The following RPAP3 variants were observed in gnomAD, a reference collection of about 807,000 sequenced individuals.
The protein encoded by RPAP3 is RNA polymerase II associated protein 3.
Under a neutral mutation model 88.8 loss-of-function variants are expected in RPAP3, and 58 were observed. The observed-to-expected ratio is 0.65, with a 90% confidence interval of 0.53 to 0.81. The LOEUF (loss-of-function observed/expected upper bound fraction) is 0.81, where lower values mean the gene tolerates loss of function less well. Ranked by LOEUF, RPAP3 falls within the 40% of genes least tolerant of loss-of-function variation. The pLI is 0.00. For missense variants in RPAP3, 751 were observed against 764.3 expected, an observed-to-expected ratio of 0.98 and a Z score of 0.20; for synonymous variants, 255 against 259.9, an observed-to-expected ratio of 0.98 and a Z score of 0.18.
intron 4 of RPAP3, among the ~76,000 whole-genome samples, chr12:47,697,316 C>A (rs1221124684): frequency 6.6e-6 from 1 of 152,130 alleles, no homozygotes; most frequent in Non-Finnish European, 1.5e-5. Flanking sequence ...TCACTTACTA[C>A]CCATAAGAAC....
chr12:47,705,075 T>G (rs1302164888), intron 1 of RPAP3, among the ~76,000 whole-genome samples: 1 of 152,160 alleles, frequency 6.6e-6, no homozygotes, highest in Non-Finnish European at 1.5e-5. Flanking sequence ...ATAAGACTTG[T>G]TCTTGAGCAT....
chr12:47,684,751 G>A (rs990970529), intron 9 of RPAP3, among the ~76,000 whole-genome samples: 6 of 152,060 alleles, frequency 3.9e-5, no homozygotes, highest in African/African-American at 1.2e-4. Flanking sequence ...TCAAACCAAC[G>A]AACTCAGGCT....
intron 3 of RPAP3, among the ~76,000 whole-genome samples, chr12:47,698,056 G>A (rs1008260481): frequency 7.2e-5 from 11 of 151,986 alleles, no homozygotes; most frequent in African/African-American, 2.4e-4. Context: ...AATATAATTA[G>A]CACCCAGTAG....
intron 12 of RPAP3, among the ~76,000 whole-genome samples, chr12:47,670,790 G>C (rs1272905508): frequency 6.6e-6 from 1 of 152,180 alleles, no homozygotes; most frequent in Non-Finnish European, 1.5e-5. Context: ...GCAGTTTGAA[G>C]ACAGCTTATG....
intron 4 of RPAP3, among the ~76,000 whole-genome samples, chr12:47,696,883 A>C (rs1012984330): frequency 2.0e-5 from 3 of 152,188 alleles, no homozygotes; most frequent in Admixed American, 1.3e-4. Context: ...TGGGGAGTCA[A>C]AAGTTATATG....
At chr12:47,665,262 A>G (rs1938846573) in intron 16 of RPAP3, among the ~76,000 whole-genome samples, 1 of 151,528 alleles carries the variant, frequency 6.6e-6, no homozygotes, top group Non-Finnish European at 1.5e-5. Context: ...ACGCCCAGCT[A>G]ATTTTTTTCT....
intron 12 of RPAP3, among the ~76,000 whole-genome samples, chr12:47,679,088 TG>T (rs1939171664): frequency 6.6e-6 from 1 of 152,232 alleles, no homozygotes; most frequent in Admixed American, 6.5e-5. Context: ...GATGAGTTCA[TG>T]CCCTTTGCAG....
intron 5 of RPAP3, among the ~76,000 whole-genome samples, chr12:47,694,673 C>A (rs766240952): frequency 6.0e-5 from 9 of 150,462 alleles, no homozygotes; most frequent in Non-Finnish European, 1.3e-4. Flanking sequence ...AAAAAAATGG[C>A]CAAACACCAA....
At position 47,684,390 on chromosome 12, in the gene RPAP3, T is replaced by G. The variant is rs142919360; in HGVS notation, c.992+2390A>C. Among the ~76,000 whole-genome samples, 683 of 152,340 alleles carry G rather than the reference T, an allele frequency of 4.5e-3. 3 individuals carry two copies. Among genetic ancestry groups the G allele is most frequent in the Non-Finnish European group, 7.8e-3 (534 of 68,032 alleles). On this transcript the variant is annotated intron_variant, in intron 9 of 16. Transcript: ENST00000005386. ...CTGCTGGTTCTAATTAGCTCTAATT[T>G]GACACAGTTTATAGAACCTCAAGCT... is the stretch of plus-strand genomic sequence containing the variant.
At position 47,701,491 on chromosome 12, in the gene RPAP3, A is replaced by G; in HGVS notation, c.267T>C (p.Asp89=). The change falls in exon 3 of 17, where the codon GAT becomes GAC. Residue 89 remains aspartate, a synonymous_variant. Transcript: ENST00000005386. ...ENTKNRIKSY[D]YEAWAKLDVD... is the part of the protein sequence containing the mutation. ...CATCAAGTTTTGCCCATGCCTCATA[A>G]TCATAAGATTTTATCCTGTTTTTTG... 6.3e-7 allele frequency: 1 copy of G among 1,591,126 alleles called. No individual in the cohort carries two copies.
At chr12:47,669,794 T>TA (rs1156488591) in intron 13 of RPAP3, among the ~76,000 whole-genome samples, 1 of 152,150 alleles carries the variant, frequency 6.6e-6, no homozygotes, top group Non-Finnish European at 1.5e-5. Flanking sequence ...AGCTTCCTTT[T>TA]AAAAAACTAA....
intron 3 of RPAP3, 186 bp downstream of exon 3, chr12:47,701,278 C>A: frequency 2.6e-6 from 1 of 389,402 alleles, no homozygotes; most frequent in South Asian, 1.1e-4. Flanking sequence ...AAGAGGATTG[C>A]AGAAAAAAAA....
intron 5 of RPAP3, among the ~76,000 whole-genome samples, chr12:47,694,125 A>T (rs1174157887): frequency 6.6e-6 from 1 of 152,260 alleles, no homozygotes; most frequent in African/African-American, 2.4e-5. Context: ...TACCCAAGAC[A>T]TTCCTGAATA....
chr12:47,694,734 T>C (rs1277652635), intron 5 of RPAP3, among the ~76,000 whole-genome samples: 5 of 151,250 alleles, frequency 3.3e-5, no homozygotes, highest in Non-Finnish European at 5.9e-5. Context: ...GGAAAATATA[T>C]AAGATGCTTA....
At chr12:47,698,335 C>T (rs543626395) in intron 3 of RPAP3, among the ~76,000 whole-genome samples, 2 of 151,932 alleles carry the variant, frequency 1.3e-5, no homozygotes, top group South Asian at 4.2e-4. Context: ...TACTGTCTCT[C>T]GGTGTATTCC....
Position 47,686,762 on chromosome 12 carries a change from A to C in RPAP3, c.992+18T>G. 1 of 1,502,010 alleles carries C rather than the reference A, an allele frequency of 6.7e-7. No individual in the cohort carries two copies. Among genetic ancestry groups the C allele is most frequent in the Non-Finnish European group, 8.9e-7 (1 of 1,123,848 alleles). The allele number at this position is 1,502,010 out of a possible 1,614,324, so 93.0% of individuals were successfully genotyped here. ...AAATTTTTATCCTGAACAGCACTAA[A>C]ATGTAACCAATACTTACTTCTGAAT... On this transcript the variant is annotated intron_variant, in intron 9 of 16. Transcript: ENST00000005386.
At chr12:47,667,522 T>C (rs1188235059) in intron 15 of RPAP3, among the ~76,000 whole-genome samples, 11 of 152,156 alleles carry the variant, frequency 7.2e-5, no homozygotes, top group Admixed American at 7.2e-4. Flanking sequence ...TAGCATAGCA[T>C]CATAAGAGTA....
At chr12:47,697,757 A>G (rs775894900) in intron 3 of RPAP3, 38 bp from the exon 4 acceptor site, 2 of 1,548,230 alleles carry the variant, frequency 1.3e-6, no homozygotes, top group South Asian at 2.5e-5. Context: ...TCATAATTAT[A>G]TGATTAGGAA....
chr12:47,678,212 C>A (rs1477199254), intron 12 of RPAP3, among the ~76,000 whole-genome samples: 2 of 152,172 alleles, frequency 1.3e-5, no homozygotes, highest in East Asian at 3.9e-4. Flanking sequence ...AAAGCTGAAA[C>A]TGGATCCCTT....
Sources: gnomAD v4.1 joint callset for allele counts (sites outside exome capture counted in the v4.1 genomes callset) on GRCh38, gnomAD v4.1.1 for gene constraint, MANE v1.5 for transcripts, NCBI Gene and HGNC (gene_info 2026-07-23, HGNC 2026-07-21) for gene names.